BRWD3: variants seen among roughly 807,000 people sequenced by gnomAD.
BRWD3 encodes bromodomain and WD repeat domain containing 3.
Under a neutral mutation model 149.7 loss-of-function variants are expected in BRWD3, and 10 were observed. That is an observed-to-expected ratio of 0.07 (90% CI 0.04 to 0.11). The LOEUF (loss-of-function observed/expected upper bound fraction) is 0.11, where lower values mean the gene tolerates loss of function less well. BRWD3 is among the 10% of genes least tolerant of loss of function. The pLI is 1.00. For missense variants in BRWD3, 940 were observed against 1,373.2 expected (o/e 0.68, Z 4.99); for synonymous variants, 504 against 456.7 (o/e 1.10, Z -1.32).
chrX:80,797,868 GA>G (rs1231650030), intron 4 of BRWD3, among the ~76,000 whole-genome samples: 3 of 111,031 alleles, frequency 2.7e-5, no homozygotes, highest in Non-Finnish European at 3.8e-5. Flanking sequence ...GGCCGAGGCG[GA>G]TGGATCACAG....
At position 80,675,588 on chromosome X, in the gene BRWD3, T is replaced by C. The variant is rs903949530; in HGVS notation, c.*1021A>G. 8.9e-6 allele frequency: 1 copy of C among 112,089 alleles called. No individual in the cohort carries two copies. The highest frequency in any genetic ancestry group is 3.7e-4 in the South Asian group (1 of 2,716). 9.2% of individuals were successfully genotyped at this position (112,089 alleles called of 1,213,427 possible). A position where few individuals can be genotyped will look rare whatever the true frequency, so the allele number is the denominator to read the frequency against. ...TAACAACCTCTCAGCTTATAACTTATGGGGTATTCATTCCTACTAAGCTTG... is the reference window on the plus strand; with the variant it reads ...TAACAACCTCTCAGCTTATAACTTACGGGGTATTCATTCCTACTAAGCTTG... On this transcript the variant is annotated 3_prime_UTR_variant, in exon 41 of 41. Transcript: ENST00000373275.
At chrX:80,746,374 T>C (rs762774352) in intron 6 of BRWD3, among the ~76,000 whole-genome samples, 1 of 111,077 alleles carries the variant, frequency 9.0e-6, no homozygotes, top group African/African-American at 3.3e-5. Flanking sequence ...TATGAAGTCA[T>C]TTTAAGTCCT....
At chrX:80,724,782 C>G in intron 15 of BRWD3, 151 bp downstream of exon 15, 1 of 671,461 alleles carries the variant, frequency 1.5e-6, no homozygotes, top group South Asian at 2.7e-5. Context: ...TGGCCTTATT[C>G]TCAATTCTTG....
At position 80,788,057 on chromosome X, in the gene BRWD3, C is replaced by A. The variant is rs2074132882; in HGVS notation, c.430+3797G>T. Among the ~76,000 whole-genome samples the A allele has an allele frequency of 3.7e-5, 4 of 108,232 alleles. No individual in the cohort carries two copies. In the Admixed American group the frequency reaches 4.0e-4, roughly 11 times the overall value. The allele number at this position is 108,232 out of a possible 115,157, so 94.0% of individuals were successfully genotyped here. On this transcript the variant is annotated intron_variant, in intron 6 of 40. Transcript: ENST00000373275. ...CGAGACTGCGCCACTGCACTCCAGC[C>A]TGGGTGACAGAGCGAGACTCTGTCT...
intron 20 of BRWD3, among the ~76,000 whole-genome samples, chrX:80,713,812 A>C (rs2073033829): frequency 8.9e-6 from 1 of 112,295 alleles, no homozygotes; most frequent in Non-Finnish European, 1.9e-5. Context: ...TGAAATCTAA[A>C]CTCTGCTCTT....
intron 6 of BRWD3, among the ~76,000 whole-genome samples, chrX:80,782,595 A>G (rs1417455585): frequency 8.9e-6 from 1 of 111,821 alleles, no homozygotes; most frequent in Non-Finnish European, 1.9e-5. Context: ...CCATCTGACA[A>G]AGGATCAATA....
At chrX:80,766,118 C>T (rs773787701) in intron 6 of BRWD3, among the ~76,000 whole-genome samples, 2 of 111,592 alleles carry the variant, frequency 1.8e-5, no homozygotes, top group South Asian at 3.8e-4. Context: ...GATTGCCCTC[C>T]CCAATGAATC....
chrX:80,747,506 GAA>G (rs11332158), intron 6 of BRWD3, among the ~76,000 whole-genome samples: 3 of 103,602 alleles, frequency 2.9e-5, no homozygotes, highest in African/African-American at 1.0e-4. Context: ...AATAGAAGGG[GAA>G]AAAAAAAACA....
rs751020595 is a variant in BRWD3, at chrX:80,736,091, T to TA, written c.814-4dup. On this transcript the variant is annotated splice_polypyrimidine_tract_variant and splice_region_variant and intron_variant, in intron 8 of 40. Transcript: ENST00000373275. ...GTGCCTTTAGTTGATGGACAAAACT[T>TA]AAAAAAAAAAAAATCTGATTCAAAT... 30,156 of 819,858 alleles carry TA rather than the reference T, an allele frequency of 0.037. No homozygotes were observed. Among genetic ancestry groups the TA allele is most frequent in the Non-Finnish European group, 0.04 (24,181 of 603,726 alleles). 67.6% of individuals were successfully genotyped at this position (819,858 alleles called of 1,213,427 possible). A position where few individuals can be genotyped will look rare whatever the true frequency, so the allele number is the denominator to read the frequency against.
chrX:80,766,005 T>C (rs2073854452), intron 6 of BRWD3, among the ~76,000 whole-genome samples: 1 of 112,340 alleles, frequency 8.9e-6, no homozygotes, highest in Non-Finnish European at 1.9e-5. Flanking sequence ...ATAGTTTTAA[T>C]GTGTCAACTA....
intron 8 of BRWD3, among the ~76,000 whole-genome samples, chrX:80,737,134 G>A (rs1267905580): frequency 1.8e-5 from 2 of 111,336 alleles, no homozygotes; most frequent in African/African-American, 6.5e-5. Context: ...CAACTGATGT[G>A]CAGTAAAGAA....
At chrX:80,777,154 C>A (rs189371388) in intron 6 of BRWD3, among the ~76,000 whole-genome samples, 16 of 108,920 alleles carry the variant, frequency 1.5e-4, no homozygotes, top group African/African-American at 5.4e-4. Flanking sequence ...CCCCCCCCCA[C>A]GAAAAACCTC....
At chrX:80,801,365 C>T (rs961892604) in intron 4 of BRWD3, among the ~76,000 whole-genome samples, 2 of 105,651 alleles carry the variant, frequency 1.9e-5, no homozygotes, top group Non-Finnish European at 3.9e-5. Context: ...GGATTACAGG[C>T]GCCTGCCACC....
At chrX:80,691,782 C>T (rs2072614878) in intron 30 of BRWD3, 41 bp downstream of exon 30, 1 of 1,205,663 alleles carries the variant, frequency 8.3e-7, no homozygotes, top group Non-Finnish European at 1.1e-6. Context: ...ATTTTCCTAG[C>T]TCTCTTGCAT....
intron 6 of BRWD3, among the ~76,000 whole-genome samples, chrX:80,746,123 A>G (rs1208450526): frequency 9.0e-6 from 1 of 111,038 alleles, no homozygotes; most frequent in Non-Finnish European, 1.9e-5. Context: ...ATTATACAGG[A>G]ATTTCATAAA....
At chrX:80,691,321 A>G in intron 30 of BRWD3, 148 bp from the exon 31 acceptor site, 1 of 625,976 alleles carries the variant, frequency 1.6e-6, no homozygotes, top group Non-Finnish European at 2.4e-6. Flanking sequence ...ACAGAACGTT[A>G]TTCTTTATAT....
chrX:80,711,861 T>C (rs909245528), intron 20 of BRWD3, among the ~76,000 whole-genome samples: 6 of 111,903 alleles, frequency 5.4e-5, no homozygotes, highest in African/African-American at 2.0e-4. Flanking sequence ...CATGTACTGA[T>C]TGATGTCTTG....
At position 80,803,318 on chromosome X, in the gene BRWD3, T is replaced by G. The variant is rs188636998; in HGVS notation, c.180+5221A>C. On this transcript the variant is annotated intron_variant, in intron 4 of 40. Transcript: ENST00000373275. ...GTGACAAAGATGCTCAGGACAAAAT[T>G]TCATTAAGGCAAGTTCACTGAATCC... Among the ~76,000 whole-genome samples the G allele has an allele frequency of 1.6e-3, 181 of 111,383 alleles. 1 individual carries two copies. The highest frequency in any genetic ancestry group is 2.9e-3 in the Non-Finnish European group (154 of 53,120).
chrX:80,767,187 A>T (rs1225029376), intron 6 of BRWD3, among the ~76,000 whole-genome samples: 3 of 112,536 alleles, frequency 2.7e-5, no homozygotes, highest in African/African-American at 9.7e-5. Flanking sequence ...ACAGCTCTGA[A>T]GAGAGCAGTG....
Sources: gnomAD v4.1 joint callset for allele counts (sites outside exome capture counted in the v4.1 genomes callset) on GRCh38, gnomAD v4.1.1 for gene constraint, MANE v1.5 for transcripts, NCBI Gene and HGNC (gene_info 2026-07-23, HGNC 2026-07-21) for gene names.